LGR5: variants seen among roughly 807,000 people sequenced by gnomAD.
The protein encoded by LGR5 is leucine-rich repeat-containing G protein-coupled receptor 5.
In LGR5, 54 loss-of-function variants were observed where a neutral mutation model predicts 76.7. The observed-to-expected ratio is 0.70, with a 90% CI of 0.57 to 0.88. The LOEUF is 0.88. Ranked by LOEUF, LGR5 falls within the 40% of genes least tolerant of loss-of-function variation. The probability of loss-of-function intolerance (pLI) is 0.00; values close to 1 mark genes in which losing one functional copy is unlikely to be tolerated. For missense variants in LGR5, 1,078 were observed against 1,073.3 expected (o/e 1.00, Z -0.06); for synonymous variants, 406 against 421.9 (o/e 0.96, Z 0.46).
intron 1 of LGR5, among the ~76,000 whole-genome samples, chr12:71,447,204 C>T (rs1335862023): frequency 6.6e-6 from 1 of 152,136 alleles, no homozygotes; most frequent in African/African-American, 2.4e-5. Flanking sequence ...TTTATCAAAT[C>T]CCCCAACATA....
intron 3 of LGR5, among the ~76,000 whole-genome samples, chr12:71,529,981 CAA>C (rs1053834892): frequency 6.7e-6 from 1 of 149,648 alleles, no homozygotes; most frequent in African/African-American, 2.5e-5. Context: ...AAAGTAGAAG[CAA>C]ACATCTGATT....
chr12:71,480,210 A>G (rs12831826), intron 1 of LGR5, among the ~76,000 whole-genome samples: 13,594 of 151,936 alleles, frequency 0.089, 651 homozygotes, highest in Non-Finnish European at 0.11. Context: ...CTAAAAATAC[A>G]AAAATTACCC....
intron 1 of LGR5, among the ~76,000 whole-genome samples, chr12:71,500,867 T>A (rs895232202): frequency 6.6e-6 from 1 of 152,184 alleles, no homozygotes; most frequent in Non-Finnish European, 1.5e-5. Context: ...ATCAGTAATA[T>A]AGCATAGATA....
At chr12:71,472,372 C>T (rs1873139674) in intron 1 of LGR5, among the ~76,000 whole-genome samples, 1 of 152,122 alleles carries the variant, frequency 6.6e-6, no homozygotes, top group South Asian at 2.1e-4. Flanking sequence ...CAAAAGGTAA[C>T]TTGCTCAAGT....
intron 3 of LGR5, among the ~76,000 whole-genome samples, chr12:71,528,286 C>A (rs1876119482): frequency 1.3e-5 from 2 of 151,880 alleles, no homozygotes; most frequent in Non-Finnish European, 2.9e-5. Flanking sequence ...GGCAAAACCC[C>A]ATCTCTACAA....
intron 1 of LGR5, among the ~76,000 whole-genome samples, chr12:71,496,392 AGAG>A (rs1555169610): frequency 0.066 from 7,874 of 118,570 alleles, 248 homozygotes; most frequent in Non-Finnish European, 0.094. Flanking sequence ...AAAAAAAAAA[AGAG>A]AGAGAGAGAG....
At chr12:71,499,874 C>T (rs529301834) in intron 1 of LGR5, among the ~76,000 whole-genome samples, 23 of 152,076 alleles carry the variant, frequency 1.5e-4, no homozygotes, top group African/African-American at 4.8e-4. Flanking sequence ...CTTCTCAGGG[C>T]GACTTTTCTG....
intron 1 of LGR5, among the ~76,000 whole-genome samples, chr12:71,458,013 G>A (rs191071768): frequency 1.0e-3 from 154 of 152,128 alleles, no homozygotes; most frequent in African/African-American, 3.5e-3. Context: ...CAGTAGTGCC[G>A]CCTCCTCCTT....
At chr12:71,493,770 CTTT>C (rs57504416) in intron 1 of LGR5, among the ~76,000 whole-genome samples, 1 of 129,540 alleles carries the variant, frequency 7.7e-6, no homozygotes, top group Non-Finnish European at 1.6e-5. Flanking sequence ...AGTAAATAAG[CTTT>C]TTTTTTTTTT....
At chr12:71,458,636 G>T (rs1311580318) in intron 1 of LGR5, among the ~76,000 whole-genome samples, 1 of 152,134 alleles carries the variant, frequency 6.6e-6, no homozygotes, top group Non-Finnish European at 1.5e-5. Flanking sequence ...TTATGAGTAA[G>T]AAGTCAATCT....
intron 1 of LGR5, among the ~76,000 whole-genome samples, chr12:71,494,132 G>C (rs1400654880): frequency 6.6e-6 from 1 of 150,592 alleles, no homozygotes; most frequent in South Asian, 2.1e-4. Context: ...TTTTTTAGTA[G>C]AGACAGGGTT....
At chr12:71,459,345 AAGG>A (rs1872604099) in intron 1 of LGR5, among the ~76,000 whole-genome samples, 2 of 152,114 alleles carry the variant, frequency 1.3e-5, no homozygotes, top group African/African-American at 4.8e-5. Flanking sequence ...ATAATAACAT[AAGG>A]AGAAGGTAGC....
chr12:71,464,716 T>C (rs753755926), intron 1 of LGR5, among the ~76,000 whole-genome samples: 16 of 152,196 alleles, frequency 1.1e-4, no homozygotes, highest in Admixed American at 3.9e-4. Flanking sequence ...TTTGAATAAA[T>C]ACATTCAATA....
intron 4 of LGR5, among the ~76,000 whole-genome samples, chr12:71,552,727 G>C (rs772820540): frequency 6.6e-6 from 1 of 152,116 alleles, no homozygotes. Context: ...AGGAGGAAAA[G>C]GATATCTCTA....
intron 1 of LGR5, among the ~76,000 whole-genome samples, chr12:71,486,446 A>C (rs1415689289): frequency 1.3e-5 from 2 of 152,194 alleles, no homozygotes; most frequent in East Asian, 3.8e-4. Context: ...ATAAAAATCA[A>C]AGGTTGAAAA....
chr12:71,446,060 T>C lies in LGR5; in HGVS notation c.212+5768T>C, dbSNP rs532551106. Among the ~76,000 whole-genome samples, 20 of 152,302 alleles carry C rather than the reference T, an allele frequency of 1.3e-4. No individual in the cohort carries two copies. In the South Asian group the frequency reaches 3.9e-3, roughly 30 times the overall value. On this transcript the variant is annotated intron_variant, in intron 1 of 17. Transcript: ENST00000266674. ...TCCTCCAGGGTAGGGCATTTTCCACTTTATACCCCAAGTGCCCATACCAAT... is the reference window on the plus strand; with the variant it reads ...TCCTCCAGGGTAGGGCATTTTCCACCTTATACCCCAAGTGCCCATACCAAT...
intron 1 of LGR5, among the ~76,000 whole-genome samples, chr12:71,500,089 A>G (rs943790813): frequency 2.0e-5 from 3 of 152,134 alleles, no homozygotes; most frequent in African/African-American, 7.2e-5. Context: ...AAGATGACTC[A>G]GATATATTCT....
chr12:71,519,962 A>C (rs974804177), intron 2 of LGR5, among the ~76,000 whole-genome samples: 2 of 152,124 alleles, frequency 1.3e-5, no homozygotes, highest in Non-Finnish European at 2.9e-5. Context: ...ACCCTGGTGC[A>C]TTATTAGTGG....
At chr12:71,495,075 AG>A (rs1565691023) in intron 1 of LGR5, among the ~76,000 whole-genome samples, 1 of 141,908 alleles carries the variant, frequency 7.0e-6, no homozygotes, top group African/African-American at 2.8e-5. Context: ...TTTGGGGCGT[AG>A]TCGGGGGGGG....
Sources: gnomAD v4.1 joint callset for allele counts (sites outside exome capture counted in the v4.1 genomes callset) on GRCh38, gnomAD v4.1.1 for gene constraint, MANE v1.5 for transcripts, NCBI Gene and HGNC (gene_info 2026-07-23, HGNC 2026-07-21) for gene names.